ANO3: variants seen among roughly 807,000 people sequenced by gnomAD.
The protein encoded by ANO3 is anoctamin 3.
A neutral mutation model predicts 144.8 loss-of-function variants in ANO3; 99 were observed. That is an observed-to-expected ratio of 0.68 (90% confidence interval 0.58 to 0.81). The LOEUF is 0.81. ANO3 is among the 30% of genes least tolerant of loss of function. The pLI is 0.00. For synonymous variants in ANO3, 414 were observed against 392.6 expected, an observed-to-expected ratio of 1.05 and a Z score of -0.64; for missense variants, 905 against 1,202.2, an observed-to-expected ratio of 0.75 and a Z score of 3.66.
At chr11:26,293,576 T>TATATATA (rs1854016890) in intron 1 of ANO3, among the ~76,000 whole-genome samples, 47 of 137,966 alleles carry the variant, frequency 3.4e-4, no homozygotes, top group South Asian at 7.0e-4. Flanking sequence ...TATATATATA[T>TATATATA]TCCTGTTGTT....
At chr11:26,225,118 A>T (rs1316686418) in intron 1 of ANO3, among the ~76,000 whole-genome samples, 1 of 152,180 alleles carries the variant, frequency 6.6e-6, no homozygotes, top group East Asian at 1.9e-4. Context: ...TGTGTATTGT[A>T]GGCACTGAAC....
At chr11:26,457,503 G>C (rs961053624) in intron 3 of ANO3, among the ~76,000 whole-genome samples, 3 of 151,898 alleles carry the variant, frequency 2.0e-5, no homozygotes, top group African/African-American at 4.8e-5. Context: ...CTCAAATTGT[G>C]AATTGAATGC....
intron 10 of ANO3, among the ~76,000 whole-genome samples, chr11:26,540,367 C>T (rs555743268): frequency 2.0e-5 from 3 of 152,126 alleles, no homozygotes; most frequent in African/African-American, 7.2e-5. Context: ...AAAAGTCCTT[C>T]GATAAAATTC....
chr11:26,378,981 A>AGC (rs3061031), intron 1 of ANO3, among the ~76,000 whole-genome samples: 2 of 151,064 alleles, frequency 1.3e-5, no homozygotes, highest in African/African-American at 4.9e-5. Flanking sequence ...AAAAAAAAAA[A>AGC]GCCTCAAAAC....
intron 1 of ANO3, among the ~76,000 whole-genome samples, chr11:26,199,633 A>T (rs1851654307): frequency 6.6e-6 from 1 of 152,176 alleles, no homozygotes; most frequent in Non-Finnish European, 1.5e-5. Flanking sequence ...GATATTAATG[A>T]CTATCCTTTT....
chr11:26,214,837 T>C (rs1388899127), intron 1 of ANO3, among the ~76,000 whole-genome samples: 2 of 151,972 alleles, frequency 1.3e-5, no homozygotes, highest in Non-Finnish European at 2.9e-5. Flanking sequence ...CCCATTACTT[T>C]TAGTTGCCAT....
chr11:26,267,223 G>T (rs1853336172), intron 1 of ANO3, among the ~76,000 whole-genome samples: 1 of 151,862 alleles, frequency 6.6e-6, no homozygotes, highest in Non-Finnish European at 1.5e-5. Flanking sequence ...GTCCTCAATG[G>T]TTGAAACTAA....
At chr11:26,529,854 C>G (rs1026691704) in intron 7 of ANO3, among the ~76,000 whole-genome samples, 9 of 152,040 alleles carry the variant, frequency 5.9e-5, no homozygotes, top group African/African-American at 2.2e-4. Context: ...CATAATAGAA[C>G]TAGTTTATGA....
intron 1 of ANO3, among the ~76,000 whole-genome samples, chr11:26,432,720 G>A (rs148598440): frequency 6.6e-5 from 10 of 152,144 alleles, no homozygotes; most frequent in African/African-American, 2.4e-4. Flanking sequence ...GTAGGTTTGT[G>A]CCCTAATTTC....
At chr11:26,298,780 G>A (rs920303314) in intron 1 of ANO3, among the ~76,000 whole-genome samples, 8 of 152,106 alleles carry the variant, frequency 5.3e-5, no homozygotes, top group African/African-American at 1.4e-4. Flanking sequence ...GTTAGATTTC[G>A]GACATACTTG....
At position 26,379,660 on chromosome 11, in the gene ANO3, G is replaced by T. The variant is rs187940005; in HGVS notation, c.46+47339G>T. Among the ~76,000 whole-genome samples, 308 of 152,182 alleles carry T rather than the reference G, an allele frequency of 2.0e-3. 6 individuals are homozygous for T. The highest frequency in any genetic ancestry group is 0.017 in the Admixed American group (262 of 15,276). On this transcript the variant is annotated intron_variant, in intron 1 of 26. Coordinates refer to ENST00000256737, the MANE Select transcript of ANO3 (RefSeq NM_031418.4). ...AAAAAAAAATGAACTGGGTATCATG[G>T]CATGCACCTGTGGTATCAGCCACTC...
chr11:26,521,084 T>A (rs1862053482), intron 6 of ANO3, among the ~76,000 whole-genome samples: 1 of 152,080 alleles, frequency 6.6e-6, no homozygotes, highest in South Asian at 2.1e-4. Context: ...CAATGTACAC[T>A]GGAAATTTGG....
chr11:26,260,048 T>C (rs1853150289), intron 1 of ANO3, among the ~76,000 whole-genome samples: 1 of 104,880 alleles, frequency 9.5e-6, no homozygotes, highest in East Asian at 2.8e-4. Flanking sequence ...TTTAAAGTGC[T>C]TTTTTTTTTT....
chr11:26,461,857 A>T (rs949523430), intron 3 of ANO3, among the ~76,000 whole-genome samples: 1 of 152,168 alleles, frequency 6.6e-6, no homozygotes, highest in Admixed American at 6.5e-5. Context: ...AGAAAATAAT[A>T]CAGGTAAAGT....
chr11:26,415,710 T>C (rs999028470), intron 1 of ANO3, among the ~76,000 whole-genome samples: 4 of 152,130 alleles, frequency 2.6e-5, no homozygotes, highest in African/African-American at 9.7e-5. Flanking sequence ...CAAGGAGCAG[T>C]GACTTCTTGA....
intron 1 of ANO3, among the ~76,000 whole-genome samples, chr11:26,361,190 A>G (rs938848929): frequency 1.3e-5 from 2 of 152,176 alleles, no homozygotes; most frequent in Non-Finnish European, 2.9e-5. Context: ...ACAGATTCTT[A>G]ATAAGTATTT....
chr11:26,242,488 G>T (rs762841962), intron 1 of ANO3, among the ~76,000 whole-genome samples: 1 of 152,040 alleles, frequency 6.6e-6, no homozygotes, highest in African/African-American at 2.4e-5. Flanking sequence ...CAATTCTGTA[G>T]CCCTTACTTT....
At chr11:26,654,393 A>G (rs892957211) in intron 24 of ANO3, among the ~76,000 whole-genome samples, 5 of 152,006 alleles carry the variant, frequency 3.3e-5, no homozygotes, top group African/African-American at 1.2e-4. Context: ...AATAGTATTT[A>G]TTTAAATTTT....
At chr11:26,430,238 G>A (rs1028301623) in intron 1 of ANO3, among the ~76,000 whole-genome samples, 6 of 111,672 alleles carry the variant, frequency 5.4e-5, no homozygotes, top group Non-Finnish European at 9.1e-5. Flanking sequence ...TCCAGCCCAA[G>A]CAACTGTCTA....
Sources: gnomAD v4.1 joint callset for allele counts (sites outside exome capture counted in the v4.1 genomes callset) on GRCh38, gnomAD v4.1.1 for gene constraint, MANE v1.5 for transcripts, NCBI Gene and HGNC (gene_info 2026-07-23, HGNC 2026-07-21) for gene names.